LHPP: variants seen among roughly 807,000 people sequenced by gnomAD.
The protein encoded by LHPP is hLHPP.
LHPP carries 24 observed loss-of-function variants against 30.3 expected under a neutral mutation model. The observed-to-expected ratio is 0.79, with a 90% CI of 0.57 to 1.11. LHPP has a LOEUF of 1.11. Ranked by LOEUF, LHPP falls within the 50% of genes most tolerant of loss-of-function variation. The pLI is 0.00. For synonymous variants in LHPP, 150 were observed against 157.1 expected (o/e 0.95, Z 0.34); for missense variants, 356 against 367.2 (o/e 0.97, Z 0.25).
intron 3 of LHPP, among the ~76,000 whole-genome samples, chr10:124,495,388 G>C (rs1382063858): frequency 6.6e-6 from 1 of 152,218 alleles, no homozygotes; most frequent in East Asian, 1.9e-4. Flanking sequence ...GAGTGGCAGG[G>C]GGACCAGCCC....
At chr10:124,488,355 G>T in intron 2 of LHPP, 67 bp from the exon 3 acceptor site, 1 of 1,426,524 alleles carries the variant, frequency 7.0e-7, no homozygotes, top group Non-Finnish European at 9.8e-7. Context: ...GTCCCTGGTA[G>T]GAGATGGGGA....
chr10:124,565,112 G>A (rs928724813), intron 6 of LHPP, among the ~76,000 whole-genome samples: 6 of 152,050 alleles, frequency 3.9e-5, no homozygotes, highest in South Asian at 4.1e-4. Flanking sequence ...CACGACGCCC[G>A]GCAATAAGTG....
intron 6 of LHPP, among the ~76,000 whole-genome samples, chr10:124,578,621 G>A (rs1323411410): frequency 6.6e-6 from 1 of 152,218 alleles, no homozygotes; most frequent in Non-Finnish European, 1.5e-5. Context: ...GAGGGTTCAG[G>A]GAGGATGTAA....
rs187187683 is a variant in LHPP at position 124,589,631 on chromosome 10, A to G, written c.717-23633A>G. On this transcript the variant is annotated intron_variant, in intron 6 of 6. Transcript: ENST00000368842. ...CAGTGTGCAGAGCTCACCCGGCCCC[A>G]GCTTTCATCACCCATCTGAGATCGG... Among the ~76,000 whole-genome samples, 766 of 152,340 alleles carry G rather than the reference A, an allele frequency of 5.0e-3. 4 individuals are homozygous for G. The highest frequency in any genetic ancestry group is 6.5e-3 in the Non-Finnish European group (441 of 68,024).
At position 124,590,448 on chromosome 10, in the gene LHPP, C is replaced by T. The variant is rs12765335; in HGVS notation, c.717-22816C>T. 0.23 allele frequency among the ~76,000 whole-genome samples: 35,579 copies of T among 151,906 alleles called. 4,514 individuals are homozygous for T. The highest frequency in any genetic ancestry group is 0.28 in the Non-Finnish European group (19,243 of 67,888). ...AGTTGAGTTCCGACGCAGGCGTGGG[C>T]GATGGTGAGCAACTCCAGGCTACCC... On this transcript the variant is annotated intron_variant, in intron 6 of 6. Coordinates refer to ENST00000368842, the MANE Select transcript of LHPP (RefSeq NM_022126.4). The surrounding 1 kb of genome is among the most constrained non-coding windows in gnomAD (Gnocchi z 4.3).
chr10:124,545,591 A>G (rs968332609), intron 6 of LHPP, among the ~76,000 whole-genome samples: 4 of 152,126 alleles, frequency 2.6e-5, no homozygotes, highest in African/African-American at 9.7e-5. Context: ...GCTCCCAGGT[A>G]GCAGGAAGAA....
intron 6 of LHPP, among the ~76,000 whole-genome samples, chr10:124,552,540 G>C (rs2133960600): frequency 6.6e-6 from 1 of 152,336 alleles, no homozygotes; most frequent in South Asian, 2.1e-4. Flanking sequence ...TTAATGGGCT[G>C]TTGGGTGTCC....
intron 1 of LHPP, among the ~76,000 whole-genome samples, chr10:124,467,519 C>CTTTTTT (rs112628606): frequency 7.3e-6 from 1 of 136,654 alleles, no homozygotes; most frequent in Non-Finnish European, 1.6e-5. Flanking sequence ...TTTTCTTTTT[C>CTTTTTT]TTTTTTTTTT....
intron 6 of LHPP, among the ~76,000 whole-genome samples, chr10:124,589,626 G>T (rs969408214): frequency 1.3e-5 from 2 of 152,194 alleles, no homozygotes; most frequent in Non-Finnish European, 2.9e-5. Flanking sequence ...AGCTCACCCG[G>T]CCCCAGCTTT....
intron 1 of LHPP, among the ~76,000 whole-genome samples, chr10:124,480,325 T>C (rs749267260): frequency 1.3e-5 from 2 of 152,206 alleles, no homozygotes; most frequent in Non-Finnish European, 2.9e-5. Flanking sequence ...CACTTGATAT[T>C]ATAAGAGCAT....
intron 5 of LHPP, among the ~76,000 whole-genome samples, chr10:124,502,544 T>C (rs1482725271): frequency 1.3e-5 from 2 of 151,570 alleles, no homozygotes; most frequent in African/African-American, 4.9e-5. Context: ...TTTGTTTTTG[T>C]ATTTTTAGTA....
At chr10:124,568,128 A>T (rs1948522298) in intron 6 of LHPP, among the ~76,000 whole-genome samples, 1 of 152,014 alleles carries the variant, frequency 6.6e-6, no homozygotes, top group South Asian at 2.1e-4. Flanking sequence ...GTTGGCTAGG[A>T]TGGTCTCCAT....
At position 124,478,737 on chromosome 10, in the gene LHPP, G is replaced by T. The variant is rs898585959; in HGVS notation, c.126-5402G>T. On this transcript the variant is annotated intron_variant, in intron 1 of 6. Coordinates refer to ENST00000368842, the MANE Select transcript of LHPP (RefSeq NM_022126.4). This position sits in a 1 kb window ranked among gnomAD's most constrained non-coding sequence, Gnocchi z 4.7. ...GAGGCTCGTCCTGGCCTGCTGAGAT[G>T]AGGTAAAGGTCAGTTCAAAGATCCA... is the stretch of plus-strand genomic sequence containing the variant. Among the ~76,000 whole-genome samples the T allele has an allele frequency of 6.6e-6, 1 of 152,182 alleles. No homozygotes were observed. The highest frequency in any genetic ancestry group is 1.5e-5 in the Non-Finnish European group (1 of 68,038).
At chr10:124,599,673 A>C (rs1283211520) in intron 6 of LHPP, among the ~76,000 whole-genome samples, 1 of 152,246 alleles carries the variant, frequency 6.6e-6, no homozygotes, top group Non-Finnish European at 1.5e-5. Context: ...AAGGAGAAAA[A>C]GAGAAGCCAC....
chr10:124,598,263 G>C (rs779333111), intron 6 of LHPP, among the ~76,000 whole-genome samples: 11 of 152,248 alleles, frequency 7.2e-5, no homozygotes, highest in South Asian at 2.1e-4. Flanking sequence ...GGGGACACAG[G>C]CTGGGTCAGC....
chr10:124,479,053 A>C (rs1953043680), intron 1 of LHPP, among the ~76,000 whole-genome samples: 1 of 114,602 alleles, frequency 8.7e-6, no homozygotes, highest in African/African-American at 2.9e-5. Context: ...TGGCTGACAG[A>C]GTGAGACTCT....
At chr10:124,542,765 G>A (rs536752159) in intron 6 of LHPP, among the ~76,000 whole-genome samples, 3 of 152,048 alleles carry the variant, frequency 2.0e-5, no homozygotes, top group African/African-American at 7.2e-5. Flanking sequence ...CTTCTTGATC[G>A]CCTCCTTGCC....
intron 6 of LHPP, among the ~76,000 whole-genome samples, chr10:124,559,003 G>C (rs374491263): frequency 6.6e-6 from 1 of 152,156 alleles, no homozygotes; most frequent in Admixed American, 6.5e-5. Flanking sequence ...TCCTGCACCC[G>C]GGACAGCCCC....
At chr10:124,543,981 C>T (rs1260181061) in intron 6 of LHPP, among the ~76,000 whole-genome samples, 1 of 152,206 alleles carries the variant, frequency 6.6e-6, no homozygotes, top group Admixed American at 6.5e-5. Context: ...AAGCTCATAC[C>T]CAGAGTTGCC....
Sources: allele counts gnomAD v4.1 joint callset (sites outside exome capture counted in the v4.1 genomes callset), GRCh38; gene constraint gnomAD v4.1.1; non-coding constraint Gnocchi (gnomAD v3.1); transcripts MANE v1.5; gene names NCBI Gene and HGNC (gene_info 2026-07-23, HGNC 2026-07-21).